SMPDL3A: variants seen among roughly 807,000 people sequenced by gnomAD.
SMPDL3A encodes the protein sphingomyelin phosphodiesterase acid like 3A, also known as cyclic GMP-AMP phosphodiesterase SMPDL3A.
Under a neutral mutation model 38.5 loss-of-function variants are expected in SMPDL3A, and 39 were observed. The observed-to-expected ratio is 1.01, with a 90% CI of 0.78 to 1.32. The LOEUF (loss-of-function observed/expected upper bound fraction) is 1.32, where lower values mean the gene tolerates loss of function less well. SMPDL3A is among the 40% of genes most tolerant of loss of function. The pLI is 0.00. For missense variants in SMPDL3A, 502 were observed against 536.2 expected (o/e 0.94, Z 0.63); for synonymous variants, 180 against 194.3 (o/e 0.93, Z 0.61).
intron 7 of SMPDL3A, among the ~76,000 whole-genome samples, chr6:122,808,124 A>T (rs1781696616): frequency 6.6e-6 from 1 of 152,210 alleles, no homozygotes. Flanking sequence ...ACAACAACAT[A>T]TATAGTAAGA....
Position 122,809,091 on chromosome 6 carries a change from G to A in SMPDL3A, c.1045G>A (p.Asp349Asn). The A allele has an allele frequency of 6.2e-7, 1 of 1,611,748 alleles. No homozygotes were observed. The highest frequency in any genetic ancestry group is 8.5e-7 in the Non-Finnish European group (1 of 1,177,972). Reference protein sequence around the residue: ...QYDPRDYKLLDMLQYYLNLTE... With the variant: ...QYDPRDYKLLNMLQYYLNLTE... The stretch of plus-strand genomic sequence containing the variant: ...GTTTTGTTACTGTTCTTAACTGCAG[G>A]ATATGTTGCAGTATTACTTGAATCT... The change falls in exon 8 of 8, where the codon GAT (aspartate) becomes AAT (asparagine). Residue 349 changes from aspartate (D) to asparagine (N), a missense_variant and splice_region_variant. By Grantham distance (23) the Asp-to-Asn change is conservative. Transcript: ENST00000368440.
intron 1 of SMPDL3A, chr6:122,789,905 G>A (rs1282733153): frequency 1.1e-5 from 11 of 981,578 alleles, no homozygotes; most frequent in Non-Finnish European, 1.3e-5. Context: ...CACCAGCTCA[G>A]GGAAGTAAAT....
At chr6:122,790,490 C>A (rs1781043767) in intron 1 of SMPDL3A, among the ~76,000 whole-genome samples, 1 of 152,084 alleles carries the variant, frequency 6.6e-6, no homozygotes, top group African/African-American at 2.4e-5. Flanking sequence ...GAGAGTTGTC[C>A]CTGAGACTCG....
chr6:122,807,874 A>G (rs1336851698), intron 7 of SMPDL3A, among the ~76,000 whole-genome samples: 1 of 152,134 alleles, frequency 6.6e-6, no homozygotes, highest in Non-Finnish European at 1.5e-5. Flanking sequence ...TTTTTCTACA[A>G]CTTTCAGTTG....
At chr6:122,807,200 CA>C (rs1172526395) in intron 7 of SMPDL3A, among the ~76,000 whole-genome samples, 2 of 151,958 alleles carry the variant, frequency 1.3e-5, no homozygotes, top group Admixed American at 1.3e-4. Context: ...TGGGCACACC[CA>C]AAAAATTTTT....
chr6:122,794,383 G>A (rs1781173720), intron 1 of SMPDL3A, among the ~76,000 whole-genome samples: 1 of 152,060 alleles, frequency 6.6e-6, no homozygotes, highest in Admixed American at 6.6e-5. Flanking sequence ...ACATCACGAG[G>A]TCAGGAAATC....
At chr6:122,790,735 G>A (rs1043262055) in intron 1 of SMPDL3A, among the ~76,000 whole-genome samples, 2 of 152,206 alleles carry the variant, frequency 1.3e-5, no homozygotes, top group Admixed American at 1.3e-4. Context: ...GGCTTAGCTT[G>A]TGTTCCTTTA....
In SMPDL3A at chr6:122,795,891, G is replaced by C; in HGVS notation, c.326+1G>C. On this transcript the variant is annotated splice_donor_variant, in intron 2 of 7. Coordinates refer to ENST00000368440, the MANE Select transcript of SMPDL3A (RefSeq NM_006714.5). LOFTEE classifies it high-confidence loss of function. Reference sequence around the variant, plus strand: ...AAGCATCTTTCATGATATGGACAGGGTAAGTGATTATACAAGTACCATTAA... The same window carrying C: ...AAGCATCTTTCATGATATGGACAGGCTAAGTGATTATACAAGTACCATTAA... 1.3e-6 allele frequency: 2 copies of C among 1,595,642 alleles called. No homozygotes were observed. Among genetic ancestry groups the C allele is most frequent in the Non-Finnish European group, 1.7e-6 (2 of 1,163,764 alleles).
Position 122,796,391 on chromosome 6 carries a change from T to C in SMPDL3A, c.327-433T>C, listed in dbSNP as rs533244706. Among the ~76,000 whole-genome samples the C allele has an allele frequency of 1.6e-4, 25 of 152,326 alleles. No individual in the cohort carries two copies. The South Asian group carries it at 2.1e-3, about 13-fold the overall frequency. ...TAATTAACTTATACATTGTAACTTA[T>C]TTAATTTTTACAATGGATATTATTA... On this transcript the variant is annotated intron_variant, in intron 2 of 7. Transcript: ENST00000368440.
intron 3 of SMPDL3A, among the ~76,000 whole-genome samples, chr6:122,797,589 G>A (rs1256067951): frequency 2.0e-5 from 3 of 152,128 alleles, no homozygotes; most frequent in East Asian, 1.9e-4. Context: ...CAAGATGGCC[G>A]TCCGGTTTAC....
chr6:122,806,522 TAA>T (rs1486931980), intron 7 of SMPDL3A, among the ~76,000 whole-genome samples, 165 bp downstream of exon 7: 2 of 152,248 alleles, frequency 1.3e-5, no homozygotes, highest in East Asian at 3.8e-4. Context: ...CAGGACTTAC[TAA>T]GTGTGAGCTG....
intron 5 of SMPDL3A, 37 bp from the exon 6 acceptor site, chr6:122,804,872 A>G (rs1464449984): frequency 6.4e-7 from 1 of 1,554,500 alleles, no homozygotes; most frequent in East Asian, 2.3e-5. Context: ...ATGTGCAGAA[A>G]GATTCTCATG....
chr6:122,796,886 C>T lies in SMPDL3A; in HGVS notation c.389C>T (p.Thr130Ile), dbSNP rs1436828681. ...LSTDTVINVITNMTTTIQSLF... is the reference protein window; with the variant it reads ...LSTDTVINVIINMTTTIQSLF... ...ACAGACACTGTTATAAATGTGATCA[C>T]TAATATGACAACCACCATCCAGAGT... The change falls in exon 3 of 8, where the codon ACT becomes ATT. Residue 130 changes from threonine to isoleucine, a missense_variant. By Grantham distance (89) the Thr-to-Ile change is moderately conservative. Coordinates refer to ENST00000368440, the MANE Select transcript of SMPDL3A (RefSeq NM_006714.5). 1.2e-6 allele frequency: 2 copies of T among 1,612,906 alleles called. No homozygotes were observed. Among genetic ancestry groups the T allele is most frequent in the Non-Finnish European group, 8.5e-7 (1 of 1,178,930 alleles).
chr6:122,803,569 C>T (rs777290652), intron 4 of SMPDL3A, 95 bp from the exon 5 acceptor site: 3 of 859,046 alleles, frequency 3.5e-6, no homozygotes, highest in Non-Finnish European at 5.5e-6. Context: ...AAGCACCAAC[C>T]TCCTGACTGG....
In SMPDL3A at chr6:122,809,482, C is replaced by G. The variant is rs992320828; in HGVS notation, c.*74C>G. 4 of 1,148,338 alleles carry G rather than the reference C, an allele frequency of 3.5e-6. No individual in the cohort carries two copies. Among genetic ancestry groups the G allele is most frequent in the Non-Finnish European group, 5.0e-6 (4 of 805,508 alleles). The allele number at this position is 1,148,338 out of a possible 1,614,324, so 71.1% of individuals were successfully genotyped here. On this transcript the variant is annotated 3_prime_UTR_variant, in exon 8 of 8. Coordinates refer to ENST00000368440, the MANE Select transcript of SMPDL3A (RefSeq NM_006714.5). ...CAATTTGTGGGAATTTTACATAAAT[C>G]TTTGTTAATTACTGAGTGGGCAAGT...
intron 2 of SMPDL3A, 58 bp downstream of exon 2, chr6:122,795,948 T>C (rs1441940726): frequency 1.1e-5 from 13 of 1,220,936 alleles, no homozygotes; most frequent in Non-Finnish European, 1.5e-5. Context: ...TGTCCTAAGC[T>C]TCATAAGAGT....
At chr6:122,800,481 G>A (rs1470102460) in intron 3 of SMPDL3A, among the ~76,000 whole-genome samples, 1 of 152,162 alleles carries the variant, frequency 6.6e-6, no homozygotes, top group African/African-American at 2.4e-5. Flanking sequence ...GCTCAAACCT[G>A]CCTTTGGCAT....
chr6:122,807,852 G>T (rs1019586324), intron 7 of SMPDL3A, among the ~76,000 whole-genome samples: 8 of 152,050 alleles, frequency 5.3e-5, no homozygotes, highest in Non-Finnish European at 5.9e-5. Context: ...TGATAAATTA[G>T]TCCAAAAGAA....
chr6:122,796,660 C>T (rs35083464), intron 2 of SMPDL3A, among the ~76,000 whole-genome samples, 164 bp from the exon 3 acceptor site: 43,250 of 151,996 alleles, frequency 0.28, 7,126 homozygotes, highest in South Asian at 0.51. Context: ...ATAGGATTAT[C>T]TGTAGGGTAG....
Sources: allele counts gnomAD v4.1 joint callset (sites outside exome capture counted in the v4.1 genomes callset), GRCh38; gene constraint gnomAD v4.1.1; transcripts MANE v1.5; gene names NCBI Gene and HGNC (gene_info 2026-07-23, HGNC 2026-07-21).